Variants in VWA3A observed in about 807,000 individuals in gnomAD.
VWA3A encodes von Willebrand factor A domain containing 3A, also known as von Willebrand factor A domain-containing protein 3A.
In VWA3A, 134 loss-of-function variants were observed where a neutral mutation model predicts 160.4. The observed-to-expected ratio is 0.84, with a 90% CI of 0.73 to 0.96. The LOEUF (loss-of-function observed/expected upper bound fraction) is 0.96. Among genes scored for constraint, VWA3A ranks in the 40% least tolerant of loss-of-function variants. The pLI is 0.00. For missense variants in VWA3A, 1,310 were observed against 1,447.9 expected, an observed-to-expected ratio of 0.90 and a Z score of 1.55; for synonymous variants, 476 against 543.4, an observed-to-expected ratio of 0.88 and a Z score of 1.72.
chr16:22,109,806 A>AGGC, intron 7 of VWA3A, among the ~76,000 whole-genome samples: 1 of 152,366 alleles, frequency 6.6e-6, no homozygotes, highest in South Asian at 2.1e-4. Flanking sequence ...TATTCTCACC[A>AGGC]CGACAGTACC....
At chr16:22,122,856 ACT>A (rs1479926246) in intron 14 of VWA3A, among the ~76,000 whole-genome samples, 1 of 151,906 alleles carries the variant, frequency 6.6e-6, no homozygotes, top group Non-Finnish European at 1.5e-5. Flanking sequence ...TCAGGGGATC[ACT>A]CTCTCTAAGG....
intron 27 of VWA3A, chr16:22,147,492 AG>A: frequency 1.5e-6 from 1 of 680,038 alleles, no homozygotes; most frequent in Non-Finnish European, 2.7e-6. Flanking sequence ...CATCAGGAGG[AG>A]GGAGGAAGGG....
chr16:22,122,777 A>G (rs1045961480), intron 14 of VWA3A, among the ~76,000 whole-genome samples: 7 of 152,148 alleles, frequency 4.6e-5, no homozygotes, highest in African/African-American at 1.2e-4. Context: ...CCATATCTTC[A>G]TGACTCTGAT....
intron 23 of VWA3A, 132 bp downstream of exon 23, chr16:22,140,376 G>C (rs1427576438): frequency 1.3e-6 from 1 of 785,860 alleles, no homozygotes; most frequent in Non-Finnish European, 2.1e-6. Flanking sequence ...TGGAGGCTGA[G>C]GTGGAAGGAT....
At chr16:22,112,868 G>C (rs2045571763) in intron 8 of VWA3A, among the ~76,000 whole-genome samples, 1 of 152,362 alleles carries the variant, frequency 6.6e-6, no homozygotes, top group Non-Finnish European at 1.5e-5. Context: ...AACCCCAACA[G>C]TCACTACTGG....
chr16:22,131,316 G>A (rs1477406190), intron 18 of VWA3A, 37 bp downstream of exon 18: 1 of 1,608,606 alleles, frequency 6.2e-7, no homozygotes, highest in Non-Finnish European at 8.5e-7. Flanking sequence ...GGCTGTGTCT[G>A]AGGGAAGGTT....
At chr16:22,098,601 G>A (rs1034449372) in intron 3 of VWA3A, among the ~76,000 whole-genome samples, 12 of 152,258 alleles carry the variant, frequency 7.9e-5, no homozygotes, top group Non-Finnish European at 1.6e-4. Flanking sequence ...GCTCCAACAC[G>A]AAGATCTTAC....
In VWA3A at chr16:22,150,812, A is replaced by T; in HGVS notation, c.3247A>T (p.Lys1083Ter). 1 of 1,613,632 alleles carries T rather than the reference A, an allele frequency of 6.2e-7. No homozygotes were observed. Among genetic ancestry groups the T allele is most frequent in the Non-Finnish European group, 8.5e-7 (1 of 1,179,750 alleles). Residue 1083 changes from lysine (K) to a stop codon, truncating the protein, a stop_gained, in exon 30 of 34, where the codon AAA becomes TAA. Coordinates refer to ENST00000389398, the MANE Select transcript of VWA3A (RefSeq NM_173615.5). LOFTEE classifies it high-confidence loss of function. ...AAAACTCAGGGAGAAAAGAGATGTG[A>T]AAGTGCACACCATTTCCTTGAACTG... ...VQKLREKRDV[K>*]VHTISLNCSD...
intron 8 of VWA3A, 87 bp from the exon 9 acceptor site, chr16:22,115,260 A>C: frequency 3.5e-6 from 5 of 1,423,138 alleles, no homozygotes; most frequent in Non-Finnish European, 4.7e-6. Flanking sequence ...TGGGTAACAC[A>C]GCAAGCCCTT....
chr16:22,145,779 C>G (rs202219297), intron 26 of VWA3A, among the ~76,000 whole-genome samples: 1 of 144,484 alleles, frequency 6.9e-6, no homozygotes, highest in African/African-American at 2.6e-5. Flanking sequence ...AGGCTTTAAA[C>G]AAAAAAAAAA....
chr16:22,105,952 C>T (rs1304477599), intron 6 of VWA3A, among the ~76,000 whole-genome samples: 1 of 152,168 alleles, frequency 6.6e-6, no homozygotes, highest in Non-Finnish European at 1.5e-5. Context: ...CCAACATGAC[C>T]AGTACTTGCT....
rs192561073 is a variant in VWA3A at position 22,095,762 on chromosome 16, G to C, written c.15-1097G>C. 3.4e-4 allele frequency among the ~76,000 whole-genome samples: 51 copies of C among 151,808 alleles called. No homozygotes were observed. The East Asian group carries it at 8.7e-3, about 26-fold the overall frequency. ...ATGTTTATAGAGATGGGGTCTCGCT[G>C]GTTTGCCAAGGCTGGTCTTGAACTC... is the stretch of plus-strand genomic sequence containing the variant. On this transcript the variant is annotated intron_variant, in intron 1 of 33. Transcript: ENST00000389398.
Position 22,111,062 on chromosome 16 carries a change from T to C in VWA3A, c.689+68T>C, listed in dbSNP as rs1341803768. ...TTTCCTCCCTAACCAGCAGAGTCTTTATTGAATAATTCAACTGCAAACCCC... is the reference window on the plus strand; with the variant it reads ...TTTCCTCCCTAACCAGCAGAGTCTTCATTGAATAATTCAACTGCAAACCCC... On this transcript the variant is annotated intron_variant, in intron 8 of 33. Transcript: ENST00000389398. 6 of 1,367,206 alleles carry C rather than the reference T, an allele frequency of 4.4e-6. No individual in the cohort carries two copies. The African/African-American group carries it at 7.3e-5, about 17-fold the overall frequency. 84.7% of individuals were successfully genotyped at this position (1,367,206 alleles called of 1,614,324 possible).
At chr16:22,123,313 C>A in intron 15 of VWA3A, 148 bp downstream of exon 15, 1 of 1,114,910 alleles carries the variant, frequency 9.0e-7, no homozygotes, top group Non-Finnish European at 1.3e-6. Flanking sequence ...CCTCCTGAAG[C>A]TTTGGCCATC....
chr16:22,126,313 C>T lies in VWA3A; in HGVS notation c.1652+16C>T, dbSNP rs2141936347. On this transcript the variant is annotated intron_variant, in intron 17 of 33. Transcript: ENST00000389398. ...ACCTCATCGCGTATGTGTCTCCTGG[C>T]TCCTGGGGGCAAGGGTGGGTCGTGT... 6.2e-7 allele frequency: 1 copy of T among 1,608,794 alleles called. No individual in the cohort carries two copies. Among genetic ancestry groups the T allele is most frequent in the East Asian group, 2.2e-5 (1 of 44,720 alleles).
At chr16:22,103,012 A>G (rs768886302) in intron 5 of VWA3A, among the ~76,000 whole-genome samples, 2 of 152,042 alleles carry the variant, frequency 1.3e-5, no homozygotes, top group Non-Finnish European at 1.5e-5. Flanking sequence ...CCCTTTCACA[A>G]TCTCCTTATA....
At position 22,092,567 on chromosome 16, in the gene VWA3A, C is replaced by T; in HGVS notation, c.-71C>T. The T allele has an allele frequency of 6.5e-7, 1 of 1,539,796 alleles. No individual in the cohort carries two copies. ...AGTTGCTTGGAGGAGCTTGGAGAAA[C>T]CAGAAGTGAGATCCAGGAGAAGTAA... On this transcript the variant is annotated 5_prime_UTR_variant, in exon 1 of 34. Coordinates refer to ENST00000389398, the MANE Select transcript of VWA3A (RefSeq NM_173615.5).
At chr16:22,115,513 A>T in intron 9 of VWA3A, 41 bp downstream of exon 9, 1 of 1,560,524 alleles carries the variant, frequency 6.4e-7, no homozygotes, top group Non-Finnish European at 8.7e-7. Context: ...CTACATGAAA[A>T]GGACTGAAAA....
intron 14 of VWA3A, among the ~76,000 whole-genome samples, chr16:22,122,218 TG>T (rs554722705): frequency 1.5e-4 from 1 of 6,742 alleles, no homozygotes; most frequent in Non-Finnish European, 3.1e-4. Flanking sequence ...GATGGATGGG[TG>T]GGGGGGTGGG....
Sources: gnomAD v4.1 joint callset for allele counts (sites outside exome capture counted in the v4.1 genomes callset) on GRCh38, gnomAD v4.1.1 for gene constraint, MANE v1.5 for transcripts, NCBI Gene and HGNC (gene_info 2026-07-23, HGNC 2026-07-21) for gene names.